Variants in ARB2A observed in about 807,000 individuals in gnomAD.
ARB2A encodes the protein ARB2 cotranscriptional regulator A.
the ARB2A span, among the ~76,000 whole-genome samples, chr5:93,695,533 C>T: frequency 1.3e-5 from 2 of 152,252 alleles, no homozygotes; most frequent in Non-Finnish European, 2.9e-5. Flanking sequence ...AGTCAGGAAA[C>T]AACAGATGCT....
the ARB2A span, among the ~76,000 whole-genome samples, chr5:94,033,677 G>A: frequency 1.3e-5 from 2 of 152,042 alleles, no homozygotes; most frequent in African/African-American, 2.4e-5. Context: ...TGCCCATCTC[G>A]GCCTCCCACA....
chr5:93,917,235 G>C, the ARB2A span, among the ~76,000 whole-genome samples: 1 of 152,074 alleles, frequency 6.6e-6, no homozygotes, highest in East Asian at 1.9e-4. Flanking sequence ...TAATAATGTT[G>C]ATGATATTGC....
the ARB2A span, among the ~76,000 whole-genome samples, chr5:93,624,318 G>A: frequency 6.6e-6 from 1 of 152,078 alleles, no homozygotes. Context: ...TTATGGTTAA[G>A]GTCTAGTCTT....
the ARB2A span, among the ~76,000 whole-genome samples, chr5:94,013,185 T>C: frequency 2.7e-5 from 4 of 150,268 alleles, no homozygotes; most frequent in African/African-American, 9.8e-5. Flanking sequence ...TTTTTTTTTT[T>C]TTTTTTTTTC....
At chr5:93,622,519 G>T in the ARB2A span, among the ~76,000 whole-genome samples, 1 of 152,160 alleles carries the variant, frequency 6.6e-6, no homozygotes, top group Non-Finnish European at 1.5e-5. Flanking sequence ...GCTGCTGTCG[G>T]CCAGAGAGCA....
At chr5:93,991,150 A>T in the ARB2A span, among the ~76,000 whole-genome samples, 1 of 152,104 alleles carries the variant, frequency 6.6e-6, no homozygotes, top group Admixed American at 6.5e-5. Flanking sequence ...CCCAGAGCTC[A>T]TATAGGGAAT....
At chr5:93,941,639 G>GT in the ARB2A span, among the ~76,000 whole-genome samples, 3 of 152,088 alleles carry the variant, frequency 2.0e-5, no homozygotes, top group African/African-American at 7.2e-5. Context: ...AAATATGCAT[G>GT]TCATTGAAAA....
the ARB2A span, chr5:93,784,568 C>A: frequency 9.3e-7 from 1 of 1,079,946 alleles, no homozygotes; most frequent in South Asian, 1.4e-5. Context: ...CCTGCTTAGT[C>A]AGAGATAACA....
the ARB2A span, chr5:93,958,784 G>A: frequency 6.6e-7 from 1 of 1,517,478 alleles, no homozygotes; most frequent in African/African-American, 1.4e-5. Context: ...TACAGCCACA[G>A]CTCTTTTAAT....
the ARB2A span, among the ~76,000 whole-genome samples, chr5:93,765,133 G>GTC: frequency 5.9e-5 from 9 of 152,142 alleles, no homozygotes; most frequent in Non-Finnish European, 7.3e-5. Flanking sequence ...CAAAACTGGC[G>GTC]TAAGACAGGG....
At chr5:94,096,320 G>T in the ARB2A span, among the ~76,000 whole-genome samples, 2 of 152,182 alleles carry the variant, frequency 1.3e-5, no homozygotes, top group African/African-American at 4.8e-5. Flanking sequence ...ATGCTTTGTA[G>T]AGGAAAGGGG....
At chr5:93,960,146 AAAAATAAAAT>A in the ARB2A span, among the ~76,000 whole-genome samples, 11 of 143,018 alleles carry the variant, frequency 7.7e-5, no homozygotes, top group East Asian at 2.2e-4. Flanking sequence ...TTAGGAAGAG[AAAAATAAAAT>A]AAAATAAAAT....
chr5:93,914,015 C>A, the ARB2A span, among the ~76,000 whole-genome samples: 1 of 152,074 alleles, frequency 6.6e-6, no homozygotes, highest in East Asian at 1.9e-4. Flanking sequence ...TGACCTAGAA[C>A]ATCCTTCCAT....
the ARB2A span, among the ~76,000 whole-genome samples, chr5:93,906,413 C>A: frequency 2.0e-5 from 3 of 151,302 alleles, no homozygotes; most frequent in East Asian, 5.8e-4. Flanking sequence ...ACATCTTGGG[C>A]AAATCCCTTA....
chr5:93,898,041 A>G, the ARB2A span, among the ~76,000 whole-genome samples: 1 of 151,926 alleles, frequency 6.6e-6, no homozygotes, highest in East Asian at 1.9e-4. Flanking sequence ...AGCTTCCGTG[A>G]TCTGAAATAC....
At chr5:94,011,207 C>T in the ARB2A span, among the ~76,000 whole-genome samples, 5 of 152,040 alleles carry the variant, frequency 3.3e-5, no homozygotes, top group African/African-American at 9.7e-5. Context: ...CTTTTTGGTC[C>T]CCATTGCTGA....
At chr5:94,045,513 T>C in the ARB2A span, among the ~76,000 whole-genome samples, 1 of 152,174 alleles carries the variant, frequency 6.6e-6, no homozygotes, top group Non-Finnish European at 1.5e-5. Flanking sequence ...AACTTCTAGC[T>C]CTTAAATGGA....
At chr5:94,053,209 T>C in the ARB2A span, 5 of 1,571,398 alleles carry the variant, frequency 3.2e-6, no homozygotes, top group South Asian at 4.6e-5. Flanking sequence ...TTCATCCAAA[T>C]CTATCCTAGA....
At chr5:94,104,774 C>A in the ARB2A span, among the ~76,000 whole-genome samples, 2 of 151,966 alleles carry the variant, frequency 1.3e-5, no homozygotes, top group Non-Finnish European at 2.9e-5. Context: ...ACACCAAAAC[C>A]AGCAGCACAT....
Sources: allele counts gnomAD v4.1 joint callset (sites outside exome capture counted in the v4.1 genomes callset), GRCh38; gene constraint gnomAD v4.1.1; transcripts MANE v1.5; gene names NCBI Gene and HGNC (gene_info 2026-07-23, HGNC 2026-07-21).